The following POU4F2 variants were observed in gnomAD, a reference collection of about 807,000 sequenced individuals.
POU4F2 encodes POU domain, class 4, transcription factor 2.
POU4F2 carries 10 observed loss-of-function variants against 21.5 expected under a neutral mutation model. That is an observed-to-expected ratio of 0.46 (90% confidence interval 0.29 to 0.79). The LOEUF (loss-of-function observed/expected upper bound fraction) is 0.79, where lower values mean the gene tolerates loss of function less well. Among genes scored for constraint, POU4F2 ranks in the 30% least tolerant of loss-of-function variants. The probability of loss-of-function intolerance (pLI) is 0.10; values close to 1 mark genes in which losing one functional copy is unlikely to be tolerated. For synonymous variants in POU4F2, 324 were observed against 271.1 expected (o/e 1.20, Z -1.92); for missense variants, 623 against 603.3 (o/e 1.03, Z -0.34).
chr4:146,639,305 TGGC>T lies in POU4F2; in HGVS notation c.198_200del (p.Gly68del), dbSNP rs530695040. 3,251 of 1,303,514 alleles carry T rather than the reference TGGC, an allele frequency of 2.5e-3. 60 individuals carry two copies. In the Admixed American group the frequency reaches 0.053, roughly 21 times the overall value. The allele number at this position is 1,303,514 out of a possible 1,614,324, so 80.7% of individuals were successfully genotyped here. A position where few individuals can be genotyped will look rare whatever the true frequency, so the allele number is the denominator to read the frequency against. ...CCAGCAGCTCGAGCAACGCTGGTGG[TGGC>T]GGCGGCGGCGGCGGCGGCGGCGGCG... On this transcript the variant is annotated inframe_deletion, in exon 1 of 2. Transcript: ENST00000281321.
chr4:146,639,137 G>C lies in POU4F2; in HGVS notation c.-4G>C. 6.2e-7 allele frequency: 1 copy of C among 1,603,560 alleles called. No individual in the cohort carries two copies. The highest frequency in any genetic ancestry group is 8.5e-7 in the Non-Finnish European group (1 of 1,175,990). ...TACGGACCAGCGCCCCGGCGGGCGG[G>C]AAGATGATGATGATGTCCCTGAACA... On this transcript the variant is annotated 5_prime_UTR_variant, in exon 1 of 2. Transcript: ENST00000281321.
rs753421189 is a variant in POU4F2, at chr4:146,640,713, G to T, written c.1135G>T (p.Ala379Ser). Residue 379 changes from alanine (A) to serine (S), a missense_variant, in exon 2 of 2, where the codon GCG becomes TCG. By Grantham distance (99) the Ala-to-Ser change is moderately conservative. Coordinates refer to ENST00000281321, the MANE Select transcript of POU4F2 (RefSeq NM_004575.3). This position sits in a 1 kb window ranked among gnomAD's most constrained non-coding sequence, Gnocchi z 4.8. The stretch of plus-strand genomic sequence containing the variant: ...CTCCTCTGAAAAGATCGCCGCCATC[G>T]CGGAGAAGCTGGACCTGAAGAAAAA... ...RPSSEKIAAI[A>S]EKLDLKKNVV... The T allele has an allele frequency of 6.2e-6, 10 of 1,614,110 alleles. No homozygotes were observed. In the African/African-American group the frequency reaches 1.2e-4, roughly 19 times the overall value.
rs1056154920 is a variant in POU4F2 at position 146,641,793 on chromosome 4, G to C, written c.*985G>C. 1 of 152,140 alleles carries C rather than the reference G, an allele frequency of 6.6e-6. No individual in the cohort carries two copies. Among genetic ancestry groups the C allele is most frequent in the Admixed American group, 6.6e-5 (1 of 15,212 alleles). The allele number at this position is 152,140 out of a possible 1,614,324, so 9.4% of individuals were successfully genotyped here. A position where few individuals can be genotyped will look rare whatever the true frequency, so the allele number is the denominator to read the frequency against. On this transcript the variant is annotated 3_prime_UTR_variant, in exon 2 of 2. Transcript: ENST00000281321. ...CACTGTCTGAAGTATTGTTTACTTC[G>C]TTACATATTTAATGGGGATTCCCAC...
Position 146,640,689 on chromosome 4 carries a change from T to C in POU4F2, c.1111T>C (p.Ser371Pro), listed in dbSNP as rs1317743349. 2 of 1,614,168 alleles carry C rather than the reference T, an allele frequency of 1.2e-6. No homozygotes were observed. Among genetic ancestry groups the C allele is most frequent in the South Asian group, 1.1e-5 (1 of 91,086 alleles). The change falls in exon 2 of 2, where the codon TCC becomes CCC. Residue 371 changes from serine (S) to proline (P), a missense_variant. Physicochemically the swap from Ser to Pro is moderately conservative, Grantham distance 74. Transcript: ENST00000281321. This position sits in a 1 kb window ranked among gnomAD's most constrained non-coding sequence, Gnocchi z 4.8. The part of the protein sequence containing the change: ...EAYFAIQPRP[S>P]SEKIAAIAEK... ...CTACTTTGCCATTCAGCCTCGGCCC[T>C]CCTCTGAAAAGATCGCCGCCATCGC... is the stretch of plus-strand genomic sequence containing the variant.
Position 146,639,865 on chromosome 4 carries a change from A to G in POU4F2, c.289-2A>G, listed in dbSNP as rs1185993897. The G allele has an allele frequency of 6.5e-7, 1 of 1,530,396 alleles. No individual in the cohort carries two copies. Among genetic ancestry groups the G allele is most frequent in the Non-Finnish European group, 8.8e-7 (1 of 1,137,574 alleles). 94.8% of individuals were successfully genotyped at this position (1,530,396 alleles called of 1,614,324 possible). On this transcript the variant is annotated splice_acceptor_variant, in intron 1 of 1. Coordinates refer to ENST00000281321, the MANE Select transcript of POU4F2 (RefSeq NM_004575.3). LOFTEE classifies it high-confidence loss of function. ...ATGTGTGCCTTCTACTTACAATTGC[A>G]GAGCAATATATTCGGCGGGCTGGAT...
At position 146,640,278 on chromosome 4, in the gene POU4F2, A is replaced by G. The variant is rs749138680; in HGVS notation, c.700A>G (p.Ser234Gly). 1.1e-5 allele frequency: 18 copies of G among 1,567,034 alleles called. No individual in the cohort carries two copies. In the South Asian group the frequency reaches 2.1e-4, roughly 19 times the overall value. ...TMNPMHQAAL[S>G]MAHAHGLPSH... is the part of the protein sequence containing the mutation. ...GAACCCCATGCACCAAGCAGCGCTC[A>G]GCATGGCCCACGCGCACGGGCTGCC... The change falls in exon 2 of 2, where the codon AGC (serine) becomes GGC (glycine). Residue 234 changes from serine (S) to glycine (G), a missense_variant. This residue lies in a region of POU4F2 where 523 missense variants were observed against 504.1 expected (regional missense o/e 1.04). Transcript: ENST00000281321. The surrounding 1 kb of genome is among the most constrained non-coding windows in gnomAD (Gnocchi z 4.8).
In POU4F2 at chr4:146,639,242, G is replaced by A; in HGVS notation, c.102G>A (p.Pro34=). ...ACTCGGCACTGCACAGCACCTCGCC[G>A]GGCTCCTCGGCTCCCATCGCGCCCT... ...PKYSALHSTS[P]GSSAPIAPSA... Residue 34 remains proline, a synonymous_variant, in exon 1 of 2, where the codon CCG becomes CCA. Transcript: ENST00000281321. The A allele has an allele frequency of 2.5e-6, 4 of 1,589,330 alleles. No individual in the cohort carries two copies. Among genetic ancestry groups the A allele is most frequent in the Non-Finnish European group, 3.4e-6 (4 of 1,170,484 alleles).
Position 146,640,208 on chromosome 4 carries a change from C to CGCT in POU4F2, c.632_634dup (p.Ala211dup). 1.3e-6 allele frequency: 2 copies of CGCT among 1,568,514 alleles called. No individual in the cohort carries two copies. The highest frequency in any genetic ancestry group is 2.3e-5 in the South Asian group (2 of 87,516). ...TGGGCGCTATGGCGGGCCCCGACGG[C>CGCT]GCTGTGGTGTCCACGCCGGCTCACG... is the stretch of plus-strand genomic sequence containing the variant. On this transcript the variant is annotated inframe_insertion, in exon 2 of 2. Transcript: ENST00000281321. This position sits in a 1 kb window ranked among gnomAD's most constrained non-coding sequence, Gnocchi z 4.8.
Position 146,639,203 on chromosome 4 carries a change from C to G in POU4F2, c.63C>G (p.His21Gln), listed in dbSNP as rs1302643315. 3.7e-6 allele frequency: 6 copies of G among 1,606,746 alleles called. No individual in the cohort carries two copies. The highest frequency in any genetic ancestry group is 4.2e-6 in the Non-Finnish European group (5 of 1,177,400). The change falls in exon 1 of 2, where the codon CAC (histidine) becomes CAG (glutamine). Residue 21 changes from histidine (H) to glutamine (Q), a missense_variant. His to Gln is a conservative substitution (Grantham distance 24). Transcript: ENST00000281321. ...GCATGCCGCACGGCGGCAGCCTGCA[C>G]GTGGAGCCCAAGTACTCGGCACTGC... Reference protein sequence around the residue: ...AFSMPHGGSLHVEPKYSALHS... With the variant: ...AFSMPHGGSLQVEPKYSALHS...
At position 146,639,790 on chromosome 4, in the gene POU4F2, C is replaced by G. The variant is rs534847046; in HGVS notation, c.289-77C>G. ...TGTAGGCGCGGCGACGGTGTCGAGC[C>G]CTGGGCCGGGGCTTCCGGAGAGAGG... On this transcript the variant is annotated intron_variant, in intron 1 of 1. Coordinates refer to ENST00000281321, the MANE Select transcript of POU4F2 (RefSeq NM_004575.3). 9.1e-6 allele frequency: 13 copies of G among 1,428,828 alleles called. No homozygotes were observed. In the South Asian group the frequency reaches 1.6e-4, roughly 17 times the overall value. The allele number at this position is 1,428,828 out of a possible 1,614,324, so 88.5% of individuals were successfully genotyped here.
At position 146,639,022 on chromosome 4, in the gene POU4F2, G is replaced by A; in HGVS notation, c.-119G>A. On this transcript the variant is annotated 5_prime_UTR_variant, in exon 1 of 2. Transcript: ENST00000281321. ...AGAGTCCGGAGGCGGCGGCGGGTGA[G>A]CTCAACTTCGCACAGCCCTTCCCAG... 7.5e-7 allele frequency: 1 copy of A among 1,328,666 alleles called. No homozygotes were observed. The highest frequency in any genetic ancestry group is 1.4e-5 in the South Asian group (1 of 68,978). The allele number at this position is 1,328,666 out of a possible 1,614,324, so 82.3% of individuals were successfully genotyped here.
Position 146,639,120 on chromosome 4 carries a change from A to G in POU4F2, c.-21A>G. On this transcript the variant is annotated 5_prime_UTR_variant, in exon 1 of 2. Transcript: ENST00000281321. ...GGACCAGTGAGTGCCTCTACGGACC[A>G]GCGCCCCGGCGGGCGGGAAGATGAT... 6.3e-7 allele frequency: 1 copy of G among 1,599,578 alleles called. No homozygotes were observed.
rs766646381 is a variant in POU4F2, at chr4:146,640,329, G to T, written c.751G>T (p.Val251Leu). 1.3e-6 allele frequency: 2 copies of T among 1,578,564 alleles called. No individual in the cohort carries two copies. Among genetic ancestry groups the T allele is most frequent in the South Asian group, 1.2e-5 (1 of 85,218 alleles). ...GTCGCACATGGGCTGCATGAGCGAC[G>T]TGGACGCCGACCCGCGGGACCTGGA... ...LPSHMGCMSD[V>L]DADPRDLEAF... The change falls in exon 2 of 2, where the codon GTG (valine) becomes TTG (leucine). Residue 251 changes from valine to leucine, a missense_variant. Val to Leu is a conservative substitution (Grantham distance 32, BLOSUM62 1). Coordinates refer to ENST00000281321, the MANE Select transcript of POU4F2 (RefSeq NM_004575.3). The surrounding 1 kb of genome is among the most constrained non-coding windows in gnomAD (Gnocchi z 4.8).
chr4:146,640,324 G>C lies in POU4F2; in HGVS notation c.746G>C (p.Ser249Thr). The C allele has an allele frequency of 6.3e-7, 1 of 1,575,836 alleles. No homozygotes were observed. Among genetic ancestry groups the C allele is most frequent in the South Asian group, 1.2e-5 (1 of 84,436 alleles). The stretch of plus-strand genomic sequence containing the variant: ...CTGCCGTCGCACATGGGCTGCATGA[G>C]CGACGTGGACGCCGACCCGCGGGAC... ...HGLPSHMGCM[S>T]DVDADPRDLE... is the part of the protein sequence containing the mutation. The change falls in exon 2 of 2, where the codon AGC becomes ACC. Residue 249 changes from serine to threonine, a missense_variant. Physicochemically the swap from Ser to Thr is moderately conservative, Grantham distance 58 (BLOSUM62 1). Coordinates refer to ENST00000281321, the MANE Select transcript of POU4F2 (RefSeq NM_004575.3). The surrounding 1 kb of genome is among the most constrained non-coding windows in gnomAD (Gnocchi z 4.8).
In POU4F2 at chr4:146,639,321, G is replaced by GGCT. The variant is rs1740822493; in HGVS notation, c.183_184insTGC (p.Gly61_Gly62insCys). On this transcript the variant is annotated inframe_insertion, in exon 1 of 2. Coordinates refer to ENST00000281321, the MANE Select transcript of POU4F2 (RefSeq NM_004575.3). ...CGCTGGTGGTGGCGGCGGCGGCGGC[G>GGCT]GCGGCGGCGGCGGCGGCGGAGGCCG... The GGCT allele has an allele frequency of 6.9e-7, 1 of 1,456,474 alleles. No homozygotes were observed. Among genetic ancestry groups the GGCT allele is most frequent in the Non-Finnish European group, 9.1e-7 (1 of 1,103,134 alleles). The allele number at this position is 1,456,474 out of a possible 1,614,324, so 90.2% of individuals were successfully genotyped here.
At position 146,640,599 on chromosome 4, in the gene POU4F2, A is replaced by G. The variant is rs1409006641; in HGVS notation, c.1021A>G (p.Asn341Asp). Residue 341 changes from asparagine (N) to aspartate (D), a missense_variant, in exon 2 of 2, where the codon AAT becomes GAT. Physicochemically the swap from Asn to Asp is conservative, Grantham distance 23 (BLOSUM62 1). Transcript: ENST00000281321. This position sits in a 1 kb window ranked among gnomAD's most constrained non-coding sequence, Gnocchi z 4.8. ...GAAGCTCACCAAGCCTGAACTCTTC[A>G]ATGGCGCGGAGAAGAAGCGCAAGCG... Reference protein sequence around the residue: ...REKLTKPELFNGAEKKRKRTS... With the variant: ...REKLTKPELFDGAEKKRKRTS... 6.2e-7 allele frequency: 1 copy of G among 1,614,026 alleles called. No individual in the cohort carries two copies. The highest frequency in any genetic ancestry group is 1.3e-5 in the African/African-American group (1 of 74,928).
Position 146,639,315 on chromosome 4 carries a change from G to A in POU4F2, c.175G>A (p.Gly59Ser), listed in dbSNP as rs1740821871. ...SSSNAGGGGGGGGGGGGGGGR... is the reference protein window; with the variant it reads ...SSSNAGGGGGSGGGGGGGGGR... ...GAGCAACGCTGGTGGTGGCGGCGGC[G>A]GCGGCGGCGGCGGCGGCGGCGGCGG... The change falls in exon 1 of 2, where the codon GGC (glycine) becomes AGC (serine). Residue 59 changes from glycine (G) to serine (S), a missense_variant. By Grantham distance (56) the Gly-to-Ser change is moderately conservative. Coordinates refer to ENST00000281321, the MANE Select transcript of POU4F2 (RefSeq NM_004575.3). 2 of 1,277,136 alleles carry A rather than the reference G, an allele frequency of 1.6e-6. No homozygotes were observed. Among genetic ancestry groups the A allele is most frequent in the African/African-American group, 4.2e-5 (2 of 47,316 alleles). The allele number at this position is 1,277,136 out of a possible 1,614,324, so 79.1% of individuals were successfully genotyped here.
intron 1 of POU4F2, 83 bp downstream of exon 1, chr4:146,639,511 C>T: frequency 7.0e-7 from 1 of 1,437,282 alleles, no homozygotes; most frequent in Non-Finnish European, 9.1e-7. Flanking sequence ...CATGTCTGCA[C>T]AGCAAATCAC....
At position 146,641,277 on chromosome 4, in the gene POU4F2, A is replaced by C. The variant is rs542963248; in HGVS notation, c.*469A>C. On this transcript the variant is annotated 3_prime_UTR_variant, in exon 2 of 2. Transcript: ENST00000281321. ...TAAACTAGAGTTGATGCTTAATGTG[A>C]TAGAGACATCTCTAAAGTATTTTGA... The C allele has an allele frequency of 2.6e-5, 4 of 153,814 alleles. No homozygotes were observed. Among genetic ancestry groups the C allele is most frequent in the African/African-American group, 9.6e-5 (4 of 41,612 alleles). 9.5% of individuals were successfully genotyped at this position (153,814 alleles called of 1,614,324 possible). A position where few individuals can be genotyped will look rare whatever the true frequency, so the allele number is the denominator to read the frequency against.
Sources: allele counts gnomAD v4.1 joint callset, GRCh38; gene constraint gnomAD v4.1.1; regional missense constraint gnomAD v4.1.1; non-coding constraint Gnocchi (gnomAD v3.1); transcripts MANE v1.5; gene names NCBI Gene and HGNC (gene_info 2026-07-23, HGNC 2026-07-21).